The following SPEF2 variants were observed in gnomAD, a reference collection of about 807,000 sequenced individuals.
SPEF2 encodes the protein sperm flagella and cilia-associated protein 2.
In SPEF2, 187 loss-of-function variants were observed where a neutral mutation model predicts 224.6. The ratio of observed to expected loss-of-function variants is 0.83; its 90% confidence interval spans 0.74 to 0.94. The LOEUF (loss-of-function observed/expected upper bound fraction) is 0.94. Among genes scored for constraint, SPEF2 ranks in the 40% least tolerant of loss-of-function variants. The probability of loss-of-function intolerance (pLI) is 0.00; values close to 1 mark genes in which losing one functional copy is unlikely to be tolerated. For synonymous variants in SPEF2, 715 were observed against 707.3 expected, an observed-to-expected ratio of 1.01 and a Z score of -0.17; for missense variants, 2,170 against 2,135.6, an observed-to-expected ratio of 1.02 and a Z score of -0.32.
At chr5:35,766,803 G>A (rs994718083) in intron 26 of SPEF2, among the ~76,000 whole-genome samples, 29 of 151,564 alleles carry the variant, frequency 1.9e-4, no homozygotes, top group African/African-American at 7.0e-4. Flanking sequence ...GCTTACTTTA[G>A]CTTCATCTCA....
At chr5:35,622,899 T>G (rs1355687615) in intron 1 of SPEF2, among the ~76,000 whole-genome samples, 1 of 152,188 alleles carries the variant, frequency 6.6e-6, no homozygotes, top group African/African-American at 2.4e-5. Context: ...CAATTAAGAT[T>G]TAGTTTCAGA....
intron 8 of SPEF2, among the ~76,000 whole-genome samples, chr5:35,662,724 G>C (rs552709973): frequency 9.2e-5 from 14 of 152,134 alleles, no homozygotes; most frequent in Non-Finnish European, 1.8e-4. Context: ...GTTTGTTGAA[G>C]ATCTGATGAC....
intron 30 of SPEF2, among the ~76,000 whole-genome samples, chr5:35,785,045 T>C (rs530675048): frequency 4.5e-4 from 69 of 152,364 alleles, no homozygotes; most frequent in African/African-American, 1.6e-3. Context: ...GTAAGTATTT[T>C]GATCTGAAAA....
intron 5 of SPEF2, 39 bp downstream of exon 5, chr5:35,646,846 TAACTA>T (rs916104588): frequency 6.2e-7 from 1 of 1,600,802 alleles, no homozygotes; most frequent in African/African-American, 1.3e-5. Flanking sequence ...GTGTTTATCT[TAACTA>T]AAGAATAGTC....
chr5:35,630,784 G>T (rs1440989053), intron 2 of SPEF2, among the ~76,000 whole-genome samples: 3 of 152,164 alleles, frequency 2.0e-5, no homozygotes, highest in Non-Finnish European at 2.9e-5. Flanking sequence ...TCTAGGGCAG[G>T]CGTAAAATGC....
intron 1 of SPEF2, among the ~76,000 whole-genome samples, chr5:35,628,212 C>G (rs1744549534): frequency 6.6e-6 from 1 of 151,918 alleles, no homozygotes; most frequent in Non-Finnish European, 1.5e-5. Flanking sequence ...TATCTGTTGT[C>G]TTTTCCTTCA....
intron 11 of SPEF2, 36 bp from the exon 12 acceptor site, chr5:35,692,534 G>A: frequency 6.6e-7 from 1 of 1,507,124 alleles, no homozygotes. Context: ...TTTCCCAAAT[G>A]AAAAGCTATT....
intron 16 of SPEF2, among the ~76,000 whole-genome samples, chr5:35,703,045 G>T (rs994991746): frequency 1.3e-4 from 19 of 150,436 alleles, no homozygotes; most frequent in Non-Finnish European, 1.8e-4. Flanking sequence ...CTCCCAAGAA[G>T]TTTATCTCTG....
intron 32 of SPEF2, 136 bp downstream of exon 32, chr5:35,793,477 G>A: frequency 1.3e-6 from 1 of 772,552 alleles, no homozygotes; most frequent in Non-Finnish European, 1.9e-6. Flanking sequence ...GGCACCCAGA[G>A]GCAGCACAGG....
intron 15 of SPEF2, chr5:35,698,565 T>C (rs967036506): frequency 2.0e-5 from 3 of 152,254 alleles, no homozygotes; most frequent in Admixed American, 1.3e-4. Context: ...TTCTTCACTT[T>C]AGTTTCAGTG....
At chr5:35,695,360 AAAAT>A (rs1175857268) in intron 13 of SPEF2, among the ~76,000 whole-genome samples, 8 of 152,084 alleles carry the variant, frequency 5.3e-5, no homozygotes, top group Admixed American at 5.2e-4. Flanking sequence ...GTAATCCAGG[AAAAT>A]AAAAGTGTAA....
At chr5:35,699,924 G>A (rs1190834419) in intron 15 of SPEF2, 2 of 153,460 alleles carry the variant, frequency 1.3e-5, no homozygotes, top group Non-Finnish European at 2.9e-5. Flanking sequence ...ATCTTGAATT[G>A]TAGCTCCCAT....
chr5:35,708,977 G>A lies in SPEF2; in HGVS notation c.2695G>A (p.Glu899Lys). Residue 899 changes from glutamate to lysine, a missense_variant, in exon 19 of 37, where the codon GAG becomes AAG. Glu to Lys is a moderately conservative substitution (Grantham distance 56, BLOSUM62 1). Coordinates refer to ENST00000356031, the MANE Select transcript of SPEF2 (RefSeq NM_024867.4). ...GAAGAAATTAGAAGAAAAGGAAGCTGAGAAAAAAGCAGCAGCTTCCCTGGC... is the reference window on the plus strand; with the variant it reads ...GAAGAAATTAGAAGAAAAGGAAGCTAAGAAAAAAGCAGCAGCTTCCCTGGC... ...VEKKLEEKEAEKKAAASLAEL... is the reference protein window; with the variant it reads ...VEKKLEEKEAKKKAAASLAEL... 1.2e-6 allele frequency: 2 copies of A among 1,612,438 alleles called. No individual in the cohort carries two copies. The highest frequency in any genetic ancestry group is 1.7e-6 in the Non-Finnish European group (2 of 1,179,632).
rs368427692 is a variant in SPEF2 at position 35,704,187 on chromosome 5, G to A, written c.2399-367G>A. The stretch of plus-strand genomic sequence containing the variant: ...GAAATAATTTGTATGCATATTTGAC[G>A]TTCCAGCCACCTTGTTCTTTCATCT... On this transcript the variant is annotated intron_variant, in intron 16 of 36. Transcript: ENST00000356031. Among the ~76,000 whole-genome samples the A allele has an allele frequency of 1.5e-4, 23 of 151,968 alleles. 1 individual carries two copies. In the East Asian group the frequency reaches 1.9e-3, roughly 13 times the overall value.
chr5:35,762,127 T>C (rs143390080), intron 25 of SPEF2, among the ~76,000 whole-genome samples: 5 of 152,292 alleles, frequency 3.3e-5, no homozygotes, highest in African/African-American at 1.2e-4. Flanking sequence ...TGAATACTTA[T>C]CATAATAATT....
intron 21 of SPEF2, among the ~76,000 whole-genome samples, chr5:35,736,186 G>T (rs1421481910): frequency 6.6e-6 from 1 of 152,160 alleles, no homozygotes; most frequent in Admixed American, 6.5e-5. Context: ...CCAAGTCAAT[G>T]CAGTCTTTTT....
chr5:35,740,055 T>A lies in SPEF2; in HGVS notation c.3191+9T>A, dbSNP rs1434062720. 1 of 1,614,112 alleles carries A rather than the reference T, an allele frequency of 6.2e-7. No homozygotes were observed. Among genetic ancestry groups the A allele is most frequent in the South Asian group, 1.1e-5 (1 of 91,084 alleles). On this transcript the variant is annotated intron_variant, in intron 22 of 36. Coordinates refer to ENST00000356031, the MANE Select transcript of SPEF2 (RefSeq NM_024867.4). ...TACTTATATGAGATTAGGTAAGTAATGTTTCCAAAGTCAGAATTTTACAGT... is the reference window on the plus strand; with the variant it reads ...TACTTATATGAGATTAGGTAAGTAAAGTTTCCAAAGTCAGAATTTTACAGT...
intron 20 of SPEF2, among the ~76,000 whole-genome samples, chr5:35,717,867 G>A (rs1186352389): frequency 6.6e-6 from 1 of 152,148 alleles, no homozygotes; most frequent in Non-Finnish European, 1.5e-5. Context: ...TTAGATTAAG[G>A]ATAAGGACGA....
chr5:35,703,250 T>TA (rs33980398), intron 16 of SPEF2, among the ~76,000 whole-genome samples: 2 of 151,954 alleles, frequency 1.3e-5, no homozygotes, highest in Non-Finnish European at 2.9e-5. Flanking sequence ...GCAAAAGTCT[T>TA]AAAAAAATGA....
Sources: gnomAD v4.1 joint callset for allele counts (sites outside exome capture counted in the v4.1 genomes callset) on GRCh38, gnomAD v4.1.1 for gene constraint, MANE v1.5 for transcripts, NCBI Gene and HGNC (gene_info 2026-07-23, HGNC 2026-07-21) for gene names.